Variants in MYBPC1 observed in about 807,000 individuals in gnomAD.
The protein encoded by MYBPC1 is myosin-binding protein C, slow-type.
MYBPC1 carries 52 observed loss-of-function variants against 147.1 expected under a neutral mutation model. That is an observed-to-expected ratio of 0.35 (90% CI 0.28 to 0.45). The LOEUF (loss-of-function observed/expected upper bound fraction) is 0.45, where lower values mean the gene tolerates loss of function less well. Among genes scored for constraint, MYBPC1 ranks in the 20% least tolerant of loss-of-function variants. The pLI, the probability that MYBPC1 is intolerant of heterozygous loss-of-function variation, is 1.00. For missense variants in MYBPC1, 1,228 were observed against 1,440.3 expected, an observed-to-expected ratio of 0.85 and a Z score of 2.39; for synonymous variants, 477 against 475.9, an observed-to-expected ratio of 1.00 and a Z score of -0.03.
intron 10 of MYBPC1, among the ~76,000 whole-genome samples, chr12:101,640,081 C>G (rs946799932): frequency 3.9e-5 from 6 of 152,154 alleles, no homozygotes; most frequent in Non-Finnish European, 8.8e-5. Context: ...ATGGCGCAAT[C>G]TTGGCTCATT....
At chr12:101,672,659 C>G (rs927615143) in intron 24 of MYBPC1, among the ~76,000 whole-genome samples, 1 of 152,126 alleles carries the variant, frequency 6.6e-6, no homozygotes, top group East Asian at 1.9e-4. Context: ...ACCAGCCTGG[C>G]CAACTTGGTG....
chr12:101,612,604 A>T (rs1376884982), intron 1 of MYBPC1, among the ~76,000 whole-genome samples: 2 of 152,216 alleles, frequency 1.3e-5, no homozygotes, highest in East Asian at 3.9e-4. Flanking sequence ...CAGTTGTAGG[A>T]TAAATAACTT....
At position 101,685,704 on chromosome 12, in the gene MYBPC1, C is replaced by G. The variant is rs1345532861; in HGVS notation, c.*142C>G. 6 of 1,440,224 alleles carry G rather than the reference C, an allele frequency of 4.2e-6. No homozygotes were observed. In the South Asian group the frequency reaches 6.2e-5, roughly 15 times the overall value. 89.2% of individuals were successfully genotyped at this position (1,440,224 alleles called of 1,614,324 possible). A position where few individuals can be genotyped will look rare whatever the true frequency, so the allele number is the denominator to read the frequency against. On this transcript the variant is annotated 3_prime_UTR_variant, in exon 32 of 32. Coordinates refer to ENST00000361466, the MANE Select transcript of MYBPC1 (RefSeq NM_002465.4). ...CTGAGGGAGGGCCTGGCTACTGTCT[C>G]TCTGCACTCTGCTGCTTTGAAATCT... is the stretch of plus-strand genomic sequence containing the variant.
chr12:101,630,704 C>A (rs1416404917), intron 6 of MYBPC1, among the ~76,000 whole-genome samples: 1 of 152,102 alleles, frequency 6.6e-6, no homozygotes, highest in African/African-American at 2.4e-5. Flanking sequence ...AACATGTGAG[C>A]ACTCAGAATT....
the MYBPC1 span, among the ~76,000 whole-genome samples, chr12:101,693,788 G>A: frequency 6.6e-6 from 1 of 152,142 alleles, no homozygotes; most frequent in African/African-American, 2.4e-5. Context: ...TAGCTGGGCA[G>A]GTGGCTGTCT....
At chr12:101,693,367 C>T in the MYBPC1 span, among the ~76,000 whole-genome samples, 2 of 152,142 alleles carry the variant, frequency 1.3e-5, no homozygotes, top group Non-Finnish European at 2.9e-5. Context: ...GAACATGTTA[C>T]TACTACTCAG....
intron 22 of MYBPC1, chr12:101,664,598 A>C (rs1188667191): frequency 1.3e-5 from 2 of 152,230 alleles, no homozygotes; most frequent in Non-Finnish European, 2.9e-5. Flanking sequence ...CTATGAAGAG[A>C]AAACTGCTGA....
chr12:101,635,911 TA>T (rs1565932384), intron 9 of MYBPC1, among the ~76,000 whole-genome samples: 1 of 152,194 alleles, frequency 6.6e-6, no homozygotes, highest in Non-Finnish European at 1.5e-5. Flanking sequence ...AGCTTCTGGT[TA>T]GAGTTTATAT....
chr12:101,695,631 G>A, the MYBPC1 span, among the ~76,000 whole-genome samples: 1 of 151,974 alleles, frequency 6.6e-6, no homozygotes, highest in African/African-American at 2.4e-5. Context: ...ACTCCTTCCT[G>A]CTGCTTGAAA....
chr12:101,677,442 C>G (rs374125353), intron 27 of MYBPC1, 48 bp downstream of exon 27: 69 of 1,605,702 alleles, frequency 4.3e-5, no homozygotes, highest in Non-Finnish European at 5.6e-5. Flanking sequence ...TGACAGTGAC[C>G]AGACAGAGAA....
Position 101,632,915 on chromosome 12 carries a change from A to G in MYBPC1, c.556+777A>G, listed in dbSNP as rs994766877. On this transcript the variant is annotated intron_variant, in intron 8 of 31. Transcript: ENST00000361466. ...TGGCTAATTTTGCTGGGGTATTTTT[A>G]GAAGAGACGGGATTTCGCCATATTA... 3.9e-5 allele frequency among the ~76,000 whole-genome samples: 6 copies of G among 152,186 alleles called. No individual in the cohort carries two copies. In the South Asian group the frequency reaches 1.0e-3, roughly 26 times the overall value.
At chr12:101,627,654 C>T in intron 4 of MYBPC1, 115 bp from the exon 5 acceptor site, 5 of 1,191,174 alleles carry the variant, frequency 4.2e-6, no homozygotes, top group Admixed American at 1.7e-5. Flanking sequence ...GGGTTTTTTC[C>T]TTCCTATCAC....
chr12:101,619,870 A>G (rs1471984703), intron 3 of MYBPC1, among the ~76,000 whole-genome samples: 1 of 152,232 alleles, frequency 6.6e-6, no homozygotes, highest in Non-Finnish European at 1.5e-5. Flanking sequence ...TGATTGAATC[A>G]TTCTGCAACA....
At chr12:101,632,977 C>T (rs976772803) in intron 8 of MYBPC1, among the ~76,000 whole-genome samples, 1 of 152,208 alleles carries the variant, frequency 6.6e-6, no homozygotes, top group Non-Finnish European at 1.5e-5. Flanking sequence ...TCAAGTGATC[C>T]ACCTGCCTTG....
intron 2 of MYBPC1, among the ~76,000 whole-genome samples, chr12:101,615,538 A>G (rs565757035): frequency 7.2e-5 from 11 of 152,326 alleles, no homozygotes; most frequent in East Asian, 1.9e-4. Flanking sequence ...AACTCTACAT[A>G]GAAAACATCT....
intron 1 of MYBPC1, among the ~76,000 whole-genome samples, chr12:101,597,498 G>A (rs1877801585): frequency 6.6e-6 from 1 of 152,152 alleles, no homozygotes; most frequent in Admixed American, 6.5e-5. Context: ...CCAGCCTACC[G>A]TGGCCTAATT....
chr12:101,629,850 G>A (rs1034696070), intron 6 of MYBPC1, among the ~76,000 whole-genome samples: 3 of 151,764 alleles, frequency 2.0e-5, no homozygotes, highest in African/African-American at 7.3e-5. Context: ...TCCAGGTTGG[G>A]CAACAGAGCA....
chr12:101,612,768 G>A (rs1259787439), intron 1 of MYBPC1, among the ~76,000 whole-genome samples: 2 of 152,214 alleles, frequency 1.3e-5, no homozygotes, highest in Non-Finnish European at 1.5e-5. Flanking sequence ...TGATATCCGT[G>A]TGCTGCAACA....
At chr12:101,685,431 GA>G in intron 31 of MYBPC1, 150 bp from the exon 32 acceptor site, 1 of 630,786 alleles carries the variant, frequency 1.6e-6, no homozygotes, top group South Asian at 1.8e-5. Flanking sequence ...AAATCCAGGA[GA>G]AGATTTTCCA....
Sources: allele counts gnomAD v4.1 joint callset (sites outside exome capture counted in the v4.1 genomes callset), GRCh38; gene constraint gnomAD v4.1.1; transcripts MANE v1.5; gene names NCBI Gene and HGNC (gene_info 2026-07-23, HGNC 2026-07-21).